The following FTO variants were observed in gnomAD, a reference collection of about 807,000 sequenced individuals.
FTO encodes FTO alpha-ketoglutarate dependent dioxygenase, also known as alpha-ketoglutarate-dependent dioxygenase FTO.
Under a neutral mutation model 63.9 loss-of-function variants are expected in FTO, and 47 were observed. The ratio of observed to expected loss-of-function variants is 0.74; its 90% CI spans 0.58 to 0.94. The LOEUF (loss-of-function observed/expected upper bound fraction) is 0.94, where lower values mean the gene tolerates loss of function less well. Ranked by LOEUF, FTO falls within the 40% of genes least tolerant of loss-of-function variation. FTO has a pLI of 0.00. For missense variants in FTO, 562 were observed against 618.1 expected, an observed-to-expected ratio of 0.91 and a Z score of 0.96; for synonymous variants, 207 against 224.4, an observed-to-expected ratio of 0.92 and a Z score of 0.69.
intron 8 of FTO, among the ~76,000 whole-genome samples, chr16:53,935,027 T>C (rs1446117029): frequency 3.9e-5 from 6 of 152,188 alleles, no homozygotes; most frequent in Admixed American, 6.5e-5. Flanking sequence ...GTAAATATCA[T>C]GTGGTCCTAT....
At chr16:54,049,886 C>T (rs965152478) in intron 8 of FTO, among the ~76,000 whole-genome samples, 3 of 152,228 alleles carry the variant, frequency 2.0e-5, no homozygotes, top group African/African-American at 7.2e-5. Flanking sequence ...ATTCTGCTGG[C>T]TCTCAGCGTC....
chr16:54,074,572 GA>G (rs1192584043), intron 8 of FTO, among the ~76,000 whole-genome samples: 7 of 152,090 alleles, frequency 4.6e-5, no homozygotes, highest in African/African-American at 1.4e-4. Flanking sequence ...ATTATTAAGG[GA>G]AACTAGAATT....
intron 8 of FTO, among the ~76,000 whole-genome samples, chr16:54,014,396 CCT>C (rs374959915): frequency 1.3e-5 from 2 of 151,438 alleles, no homozygotes; most frequent in South Asian, 2.1e-4. Flanking sequence ...ACCTTCCTCC[CCT>C]CTCTCTCTCT....
At position 54,114,481 on chromosome 16, in the gene FTO, T is replaced by C. The variant is rs1211631228; in HGVS notation, c.*2566T>C. The C allele has an allele frequency of 1.3e-5, 2 of 152,162 alleles. No homozygotes were observed. The highest frequency in any genetic ancestry group is 2.9e-5 in the Non-Finnish European group (2 of 68,042). The allele number at this position is 152,162 out of a possible 1,614,324, so 9.4% of individuals were successfully genotyped here. A position where few individuals can be genotyped will look rare whatever the true frequency, so the allele number is the denominator to read the frequency against. On this transcript the variant is annotated 3_prime_UTR_variant, in exon 9 of 9. Coordinates refer to ENST00000471389, the MANE Select transcript of FTO (RefSeq NM_001080432.3). ...ATAAGAAACCGAGAGATTTTGCTGTTTTTTTCCTTTTGCATGGATGAGCCA... is the reference window on the plus strand; with the variant it reads ...ATAAGAAACCGAGAGATTTTGCTGTCTTTTTCCTTTTGCATGGATGAGCCA...
At chr16:53,719,244 CTTCTTCTTCTTTTT>C (rs2075971101) in intron 1 of FTO, among the ~76,000 whole-genome samples, 1 of 130,536 alleles carries the variant, frequency 7.7e-6, no homozygotes, top group South Asian at 2.5e-4. Context: ...TCTTCTTTTT[CTTCTTCTTCTTTTT>C]TTTTTTTTTT....
intron 1 of FTO, among the ~76,000 whole-genome samples, chr16:53,765,048 G>A (rs927628995): frequency 4.6e-5 from 7 of 152,026 alleles, no homozygotes; most frequent in South Asian, 4.1e-4. Context: ...ACCTCTGATC[G>A]TAATACTTCG....
chr16:53,997,225 GAGAAAGAA>G (rs563080074), intron 8 of FTO, among the ~76,000 whole-genome samples: 6 of 150,698 alleles, frequency 4.0e-5, no homozygotes, highest in South Asian at 2.1e-4. Context: ...AGGAGAGAGA[GAGAAAGAA>G]AGAAAGAAAG....
At position 54,113,177 on chromosome 16, in the gene FTO, C is replaced by G. The variant is rs2086926113; in HGVS notation, c.*1262C>G. 1 of 152,256 alleles carries G rather than the reference C, an allele frequency of 6.6e-6. No individual in the cohort carries two copies. Among genetic ancestry groups the G allele is most frequent in the African/African-American group, 2.4e-5 (1 of 41,464 alleles). 9.4% of individuals were successfully genotyped at this position (152,256 alleles called of 1,614,324 possible). A position where few individuals can be genotyped will look rare whatever the true frequency, so the allele number is the denominator to read the frequency against. On this transcript the variant is annotated 3_prime_UTR_variant, in exon 9 of 9. Coordinates refer to ENST00000471389, the MANE Select transcript of FTO (RefSeq NM_001080432.3). The stretch of plus-strand genomic sequence containing the variant: ...CTGACCTGGATGTAGATGTTTTCCT[C>G]TCTCTTGCTGACCCCTCCGCCAGTT...
chr16:53,930,612 C>CT (rs1186978123), intron 7 of FTO, among the ~76,000 whole-genome samples: 6 of 151,862 alleles, frequency 4.0e-5, no homozygotes, highest in African/African-American at 1.5e-4. Flanking sequence ...ATCATTTTTT[C>CT]TTTTTTTACT....
chr16:53,913,606 C>G (rs774361059), intron 7 of FTO, among the ~76,000 whole-genome samples: 1 of 152,152 alleles, frequency 6.6e-6, no homozygotes, highest in East Asian at 1.9e-4. Context: ...TGTTTCACCT[C>G]GCTATGACTT....
chr16:53,945,448 C>T (rs2082632139), intron 8 of FTO, among the ~76,000 whole-genome samples: 1 of 152,202 alleles, frequency 6.6e-6, no homozygotes, highest in Admixed American at 6.5e-5. Context: ...TGGCCAAGAG[C>T]AATAACAAAG....
At chr16:53,902,835 C>T (rs1227027067) in intron 7 of FTO, among the ~76,000 whole-genome samples, 2 of 152,272 alleles carry the variant, frequency 1.3e-5, no homozygotes, top group South Asian at 2.1e-4. Flanking sequence ...TCAACGTGGC[C>T]GGGCATGGTG....
intron 1 of FTO, among the ~76,000 whole-genome samples, chr16:53,748,699 A>G (rs1432170677): frequency 6.6e-6 from 1 of 151,978 alleles, no homozygotes; most frequent in East Asian, 1.9e-4. Flanking sequence ...CAGGTGATCC[A>G]CCCACCTTGG....
intron 8 of FTO, among the ~76,000 whole-genome samples, chr16:54,086,754 T>G (rs879804255): frequency 1.6e-4 from 24 of 152,234 alleles, no homozygotes; most frequent in Non-Finnish European, 3.2e-4. Flanking sequence ...CTTGTTGTCT[T>G]CTTTCTTACA....
chr16:53,761,996 T>A (rs1008893500), intron 1 of FTO, among the ~76,000 whole-genome samples: 3 of 152,208 alleles, frequency 2.0e-5, no homozygotes, highest in Admixed American at 2.0e-4. Context: ...GTAATACTGA[T>A]AAGTTAAAAA....
At chr16:53,922,603 G>C (rs1211771931) in intron 7 of FTO, among the ~76,000 whole-genome samples, 2 of 152,156 alleles carry the variant, frequency 1.3e-5, no homozygotes, top group African/African-American at 4.8e-5. Flanking sequence ...AAAAATCCTT[G>C]AAAGGAAAAC....
chr16:53,912,369 G>A (rs998423169), intron 7 of FTO, among the ~76,000 whole-genome samples: 4 of 152,144 alleles, frequency 2.6e-5, no homozygotes, highest in Admixed American at 1.3e-4. Context: ...GTGGTTTTAT[G>A]TGTTAACTTC....
intron 1 of FTO, among the ~76,000 whole-genome samples, chr16:53,755,281 G>T (rs745461040): frequency 1.3e-5 from 2 of 152,148 alleles, no homozygotes; most frequent in Non-Finnish European, 2.9e-5. Flanking sequence ...ATGATGGGAG[G>T]CGATTGGGCT....
At chr16:53,863,738 G>A (rs761622950) in intron 4 of FTO, among the ~76,000 whole-genome samples, 3 of 152,232 alleles carry the variant, frequency 2.0e-5, no homozygotes, top group Non-Finnish European at 4.4e-5. Context: ...TGAGTGCCCT[G>A]TAAGCTTCTC....
Sources: gnomAD v4.1 joint callset for allele counts (sites outside exome capture counted in the v4.1 genomes callset) on GRCh38, gnomAD v4.1.1 for gene constraint, MANE v1.5 for transcripts, NCBI Gene and HGNC (gene_info 2026-07-23, HGNC 2026-07-21) for gene names.